Variants in MAGI2 observed in about 807,000 individuals in gnomAD.
MAGI2 encodes the protein membrane-associated guanylate kinase, WW and PDZ domain-containing protein 2.
In MAGI2, 35 loss-of-function variants were observed where a neutral mutation model predicts 133.3. The observed-to-expected ratio is 0.26, with a 90% CI of 0.20 to 0.35. The LOEUF is 0.35. Ranked by LOEUF, MAGI2 falls within the 10% of genes least tolerant of loss-of-function variation. The probability of loss-of-function intolerance (pLI) is 1.00; values close to 1 mark genes in which losing one functional copy is unlikely to be tolerated. For missense variants in MAGI2, 1,636 were observed against 1,863.4 expected (o/e 0.88, Z 2.25); for synonymous variants, 729 against 710.6 (o/e 1.03, Z -0.41).
At chr7:78,590,764 A>G (rs1803914484) in intron 3 of MAGI2, among the ~76,000 whole-genome samples, 1 of 152,192 alleles carries the variant, frequency 6.6e-6, no homozygotes. Flanking sequence ...AAGGGGAAAA[A>G]CTGTGGTGAC....
intron 21 of MAGI2, among the ~76,000 whole-genome samples, chr7:78,040,166 T>C (rs2868834): frequency 0.4 from 61,404 of 152,202 alleles, 12,721 homozygotes; most frequent in African/African-American, 0.43. Context: ...AGACAGCTCG[T>C]TGTGCTCTTG....
chr7:79,220,600 T>C (rs550951313), intron 1 of MAGI2, among the ~76,000 whole-genome samples: 6 of 151,892 alleles, frequency 4.0e-5, no homozygotes, highest in Non-Finnish European at 8.8e-5. Context: ...GGCAAAGATA[T>C]GAACTGGAGG....
rs1428477912 is a variant in MAGI2 at position 78,849,954 on chromosome 7, AC to A, written c.418+157135del. Among the ~76,000 whole-genome samples, 13 of 152,216 alleles carry A rather than the reference AC, an allele frequency of 8.5e-5. No individual in the cohort carries two copies. In the East Asian group the frequency reaches 2.3e-3, roughly 27 times the overall value. ...TTGACTTACTCTTAAACTATAAGAA[AC>A]TTTGCAGATTACCAAATTAATATTT... On this transcript the variant is annotated intron_variant, in intron 2 of 21. Coordinates refer to ENST00000354212, the MANE Select transcript of MAGI2 (RefSeq NM_012301.4).
rs939285395 is a variant in MAGI2, at chr7:78,168,057, G to T, written c.2455C>A (p.Leu819Ile). Residue 819 changes from leucine (L) to isoleucine (I), a missense_variant, in exon 15 of 22, where the codon CTT (leucine) becomes ATT (isoleucine). This residue lies in a region of MAGI2 where 920 missense variants were observed against 1,093.5 expected (regional missense o/e 0.84). Transcript: ENST00000354212. Reference protein sequence around the residue: ...AMGSADRDGRLHPGDELVYVD... With the variant: ...AMGSADRDGRIHPGDELVYVD... Reference sequence around the variant, plus strand: ...TACACAAGCTCATCTCCTGGGTGAAGGCGGCCATCTCTGTCGGCTGAGCCC... The same window carrying T: ...TACACAAGCTCATCTCCTGGGTGAATGCGGCCATCTCTGTCGGCTGAGCCC... 1.2e-6 allele frequency: 2 copies of T among 1,614,038 alleles called. No individual in the cohort carries two copies. The highest frequency in any genetic ancestry group is 2.7e-5 in the African/African-American group (2 of 74,906).
At chr7:79,039,848 ATATATATTAT>A (rs1228932757) in intron 1 of MAGI2, among the ~76,000 whole-genome samples, 2 of 144,468 alleles carry the variant, frequency 1.4e-5, no homozygotes, top group Non-Finnish European at 3.0e-5. Context: ...TTATATATAC[ATATATATTAT>A]ATATATATAA....
intron 1 of MAGI2, among the ~76,000 whole-genome samples, chr7:79,423,312 A>T (rs76440655): frequency 0.017 from 2,625 of 152,174 alleles, 82 homozygotes; most frequent in African/African-American, 0.059. Flanking sequence ...TGTTTTAGAG[A>T]TAAAGACACA....
chr7:78,784,579 G>T (rs1178950317), intron 2 of MAGI2, among the ~76,000 whole-genome samples: 1 of 152,178 alleles, frequency 6.6e-6, no homozygotes, highest in East Asian at 1.9e-4. Context: ...TCCGAAGGGT[G>T]CTGCCCTATA....
intron 2 of MAGI2, among the ~76,000 whole-genome samples, chr7:78,935,406 C>A (rs1800437130): frequency 6.6e-6 from 1 of 152,042 alleles, no homozygotes; most frequent in Non-Finnish European, 1.5e-5. Context: ...GACTAAAAGC[C>A]AGAGTGGAGG....
chr7:79,064,529 A>C lies in MAGI2; in HGVS notation c.302-57323T>G, dbSNP rs560237422. On this transcript the variant is annotated intron_variant, in intron 1 of 21. Transcript: ENST00000354212. The stretch of plus-strand genomic sequence containing the variant: ...TAATGATTTTCAGTCCGAATCATAA[A>C]GAATCAATCTACATATGTTCAATAT... 9.9e-4 allele frequency among the ~76,000 whole-genome samples: 151 copies of C among 152,218 alleles called. 1 individual carries two copies. In the South Asian group the frequency reaches 0.013, roughly 13 times the overall value.
At chr7:79,089,822 A>C (rs560501151) in intron 1 of MAGI2, among the ~76,000 whole-genome samples, 1 of 152,082 alleles carries the variant, frequency 6.6e-6, no homozygotes, top group Admixed American at 6.6e-5. Flanking sequence ...GGAAGGGAAC[A>C]TCACACACTG....
intron 2 of MAGI2, among the ~76,000 whole-genome samples, chr7:78,640,881 C>T (rs946507306): frequency 1.3e-5 from 2 of 152,210 alleles, no homozygotes; most frequent in Non-Finnish European, 2.9e-5. Flanking sequence ...TATAGTTTGG[C>T]TGTGTCCCCA....
chr7:79,375,293 G>T (rs1010365266), intron 1 of MAGI2, among the ~76,000 whole-genome samples: 2 of 151,894 alleles, frequency 1.3e-5, no homozygotes, highest in African/African-American at 4.8e-5. Flanking sequence ...TCTAGATTGT[G>T]CATTCAGCAT....
chr7:79,394,591 G>A (rs1278441859), intron 1 of MAGI2, among the ~76,000 whole-genome samples: 1 of 152,132 alleles, frequency 6.6e-6, no homozygotes, highest in Non-Finnish European at 1.5e-5. Flanking sequence ...TTATAAATTA[G>A]GTGTTTCAAA....
At chr7:78,554,144 C>T (rs1264939879) in intron 3 of MAGI2, among the ~76,000 whole-genome samples, 1 of 152,210 alleles carries the variant, frequency 6.6e-6, no homozygotes, top group Non-Finnish European at 1.5e-5. Flanking sequence ...TATTGATTCA[C>T]TGACCCAAAG....
chr7:78,379,034 A>T (rs557033166), intron 6 of MAGI2, among the ~76,000 whole-genome samples: 1 of 152,180 alleles, frequency 6.6e-6, no homozygotes, highest in East Asian at 1.9e-4. Context: ...GACAAACATT[A>T]GAACACAATT....
chr7:78,099,024 A>C lies in MAGI2; in HGVS notation c.3568-19939T>G, dbSNP rs545852759. 2.2e-4 allele frequency among the ~76,000 whole-genome samples: 34 copies of C among 152,256 alleles called. No individual in the cohort carries two copies. The East Asian group carries it at 6.6e-3, about 29-fold the overall frequency. ...TTCTTTATCCCCATTTTCAAATACA[A>C]ATGATTTCCAAAGTCTTTGGTTACA... On this transcript the variant is annotated intron_variant, in intron 20 of 21. Coordinates refer to ENST00000354212, the MANE Select transcript of MAGI2 (RefSeq NM_012301.4).
At chr7:78,778,690 G>C (rs1826167005) in intron 2 of MAGI2, among the ~76,000 whole-genome samples, 1 of 152,134 alleles carries the variant, frequency 6.6e-6, no homozygotes, top group South Asian at 2.1e-4. Flanking sequence ...ACACTGGACA[G>C]ACACCTTAGT....
chr7:78,759,443 A>G (rs971475627), intron 2 of MAGI2, among the ~76,000 whole-genome samples: 3 of 152,138 alleles, frequency 2.0e-5, no homozygotes, highest in African/African-American at 4.8e-5. Flanking sequence ...TTTTCACAGC[A>G]TGGTTGGGAT....
intron 3 of MAGI2, among the ~76,000 whole-genome samples, chr7:78,528,103 G>T (rs1421628978): frequency 2.0e-5 from 3 of 152,204 alleles, no homozygotes; most frequent in Non-Finnish European, 4.4e-5. Context: ...CTCATCAATG[G>T]TATTCCCAGA....
Sources: allele counts gnomAD v4.1 joint callset (sites outside exome capture counted in the v4.1 genomes callset), GRCh38; gene constraint gnomAD v4.1.1; regional missense constraint gnomAD v4.1.1; transcripts MANE v1.5; gene names NCBI Gene and HGNC (gene_info 2026-07-23, HGNC 2026-07-21).